Variants in PPA2 observed in about 807,000 individuals in gnomAD.
PPA2 encodes inorganic pyrophosphatase 2.
Under a neutral mutation model 49.5 loss-of-function variants are expected in PPA2, and 48 were observed. The ratio of observed to expected loss-of-function variants is 0.97; its 90% CI spans 0.77 to 1.23. The LOEUF (loss-of-function observed/expected upper bound fraction) is 1.23, where lower values mean the gene tolerates loss of function less well. Among genes scored for constraint, PPA2 ranks in the 50% most tolerant of loss-of-function variants. PPA2 has a pLI of 0.00. For missense variants in PPA2, 429 were observed against 410.1 expected (o/e 1.05, Z -0.40); for synonymous variants, 131 against 139.9 (o/e 0.94, Z 0.45).
chr4:105,402,579 G>A (rs963885944), intron 7 of PPA2, among the ~76,000 whole-genome samples: 1 of 152,156 alleles, frequency 6.6e-6, no homozygotes, highest in Non-Finnish European at 1.5e-5. Context: ...TGAAAAAACA[G>A]AAAGTATTAG....
chr4:105,464,489 G>C (rs941857263), intron 1 of PPA2, among the ~76,000 whole-genome samples: 1 of 152,204 alleles, frequency 6.6e-6, no homozygotes, highest in Non-Finnish European at 1.5e-5. Context: ...TTGGGGGACT[G>C]TTGGGAAGGC....
chr4:105,438,715 C>T (rs543650892), intron 5 of PPA2, among the ~76,000 whole-genome samples: 1 of 151,992 alleles, frequency 6.6e-6, no homozygotes, highest in South Asian at 2.1e-4. Flanking sequence ...ATTAAAGATC[C>T]CTTAGGCACT....
chr4:105,407,634 T>C lies in PPA2; in HGVS notation c.656-8470A>G, dbSNP rs570778352. ...GATAAACTGTGGTATATCTAAAAAA[T>C]GGAAGACCGTTCAATAATAAATTAG... On this transcript the variant is annotated intron_variant, in intron 7 of 11. Coordinates refer to ENST00000341695, the MANE Select transcript of PPA2 (RefSeq NM_176869.3). Among the ~76,000 whole-genome samples, 7 of 152,272 alleles carry C rather than the reference T, an allele frequency of 4.6e-5. No homozygotes were observed. In the South Asian group the frequency reaches 1.2e-3, roughly 27 times the overall value.
At chr4:105,451,659 A>G (rs1321678560) in intron 3 of PPA2, among the ~76,000 whole-genome samples, 1 of 152,232 alleles carries the variant, frequency 6.6e-6, no homozygotes, top group African/African-American at 2.4e-5. Flanking sequence ...GAATACTCAG[A>G]GGTGACCAAG....
chr4:105,459,112 C>A (rs1351944619), intron 1 of PPA2, among the ~76,000 whole-genome samples: 5 of 152,060 alleles, frequency 3.3e-5, no homozygotes, highest in African/African-American at 1.2e-4. Flanking sequence ...TCCCTTTAAA[C>A]TGTTAACATA....
At chr4:105,412,068 T>C (rs879786826) in intron 7 of PPA2, among the ~76,000 whole-genome samples, 14 of 152,308 alleles carry the variant, frequency 9.2e-5, no homozygotes, top group East Asian at 1.9e-4. Flanking sequence ...AATGACTTTC[T>C]TCACAGAATT....
chr4:105,397,912 T>C (rs987099276), intron 8 of PPA2, among the ~76,000 whole-genome samples: 1 of 152,182 alleles, frequency 6.6e-6, no homozygotes. Flanking sequence ...AAACCTTTTC[T>C]TTATAAATTA....
At chr4:105,414,867 G>A (rs886088215) in intron 7 of PPA2, among the ~76,000 whole-genome samples, 18 of 152,140 alleles carry the variant, frequency 1.2e-4, no homozygotes, top group Non-Finnish European at 2.2e-4. Flanking sequence ...GCAAGGCAAG[G>A]TGATTTACTG....
At chr4:105,401,637 T>G (rs1722197275) in intron 7 of PPA2, among the ~76,000 whole-genome samples, 1 of 152,176 alleles carries the variant, frequency 6.6e-6, no homozygotes, top group Admixed American at 6.5e-5. Flanking sequence ...TATTCCCACT[T>G]GTGGAATTAA....
chr4:105,464,529 A>G (rs1486717600), intron 1 of PPA2, among the ~76,000 whole-genome samples: 1 of 152,072 alleles, frequency 6.6e-6, no homozygotes, highest in Non-Finnish European at 1.5e-5. Context: ...AGGACATGAG[A>G]TTTGAGAGGG....
intron 7 of PPA2, among the ~76,000 whole-genome samples, chr4:105,411,427 T>A (rs536704084): frequency 2.0e-5 from 3 of 152,104 alleles, no homozygotes; most frequent in Admixed American, 6.5e-5. Flanking sequence ...CTTAGAGACC[T>A]ACAAAGAGGT....
intron 1 of PPA2, among the ~76,000 whole-genome samples, chr4:105,469,417 G>A (rs1460358723): frequency 2.0e-5 from 3 of 152,186 alleles, no homozygotes; most frequent in Admixed American, 6.5e-5. Context: ...ACTTACACTA[G>A]AGCAAGTGAG....
chr4:105,459,363 A>AT (rs1336404316), intron 1 of PPA2, among the ~76,000 whole-genome samples: 6 of 152,248 alleles, frequency 3.9e-5, no homozygotes, highest in Non-Finnish European at 7.3e-5. Flanking sequence ...AGAACACAAA[A>AT]AACAAAATTA....
chr4:105,413,678 G>A (rs943381137), intron 7 of PPA2, among the ~76,000 whole-genome samples: 3 of 152,100 alleles, frequency 2.0e-5, no homozygotes, highest in Admixed American at 6.5e-5. Flanking sequence ...AAAACAGGAG[G>A]AAGAAAATGA....
At chr4:105,408,842 C>A (rs1162910846) in intron 7 of PPA2, among the ~76,000 whole-genome samples, 1 of 152,122 alleles carries the variant, frequency 6.6e-6, no homozygotes, top group African/African-American at 2.4e-5. Flanking sequence ...CATATATCAA[C>A]AACTGATGTA....
intron 2 of PPA2, 151 bp downstream of exon 2, chr4:105,456,530 C>T (rs1722881574): frequency 1.7e-6 from 1 of 591,982 alleles, no homozygotes; most frequent in Admixed American, 3.3e-5. Flanking sequence ...ACTTTTAATT[C>T]ATATAGGAGG....
At chr4:105,402,252 A>G (rs1722234332) in intron 7 of PPA2, among the ~76,000 whole-genome samples, 1 of 149,860 alleles carries the variant, frequency 6.7e-6, no homozygotes, top group Non-Finnish European at 1.5e-5. Flanking sequence ...AAATAAAAAC[A>G]AAAAAGAAAA....
chr4:105,432,196 C>A (rs1283454517), intron 6 of PPA2, among the ~76,000 whole-genome samples: 6 of 152,122 alleles, frequency 3.9e-5, no homozygotes, highest in Non-Finnish European at 7.4e-5. Flanking sequence ...TCCCTTAAGT[C>A]CTCTCTCCTG....
chr4:105,402,942 T>C (rs1722279429), intron 7 of PPA2, among the ~76,000 whole-genome samples: 1 of 152,158 alleles, frequency 6.6e-6, no homozygotes, highest in South Asian at 2.1e-4. Flanking sequence ...AGATGAGATG[T>C]ACATGAGATG....
Sources: allele counts gnomAD v4.1 joint callset (sites outside exome capture counted in the v4.1 genomes callset), GRCh38; gene constraint gnomAD v4.1.1; transcripts MANE v1.5; gene names NCBI Gene and HGNC (gene_info 2026-07-23, HGNC 2026-07-21).